MAPKAPK3: variants seen among roughly 807,000 people sequenced by gnomAD.
MAPKAPK3 encodes the protein MAPK activated protein kinase 3, also known as MAP kinase-activated protein kinase 3.
A neutral mutation model predicts 49.2 loss-of-function variants in MAPKAPK3; 35 were observed. The observed-to-expected ratio is 0.71, with a 90% CI of 0.54 to 0.94. The LOEUF is 0.94. Ranked by LOEUF, MAPKAPK3 falls within the 40% of genes least tolerant of loss-of-function variation. The pLI is 0.00. For synonymous variants in MAPKAPK3, 178 were observed against 188.7 expected, an observed-to-expected ratio of 0.94 and a Z score of 0.46; for missense variants, 398 against 493.1, an observed-to-expected ratio of 0.81 and a Z score of 1.83.
intron 6 of MAPKAPK3, among the ~76,000 whole-genome samples, chr3:50,645,081 G>T: frequency 6.6e-6 from 1 of 152,164 alleles, no homozygotes; most frequent in East Asian, 1.9e-4. Flanking sequence ...CCCCTAACCT[G>T]AGAGTGGGGT....
chr3:50,615,516 G>C (rs1272815272), upstream of MAPKAPK3, among the ~76,000 whole-genome samples: 1 of 141,326 alleles, frequency 7.1e-6, no homozygotes, highest in African/African-American at 2.5e-5. Flanking sequence ...TAAGAGCCCA[G>C]CCCTGAGGTT....
In MAPKAPK3 at chr3:50,645,872, A is replaced by G. The variant is rs1251168521; in HGVS notation, c.704+87A>G. On this transcript the variant is annotated intron_variant, in intron 7 of 10. Coordinates refer to ENST00000621469, the MANE Select transcript of MAPKAPK3 (RefSeq NM_001243925.2). ...GGACCACTTCTGTCCCCCCACCCCC[A>G]TGTCCTTGGTGAGGAGCTTGTGTGT... The G allele has an allele frequency of 6.0e-6, 6 of 997,850 alleles. No homozygotes were observed. In the East Asian group the frequency reaches 2.0e-4, roughly 33 times the overall value. 61.8% of individuals were successfully genotyped at this position (997,850 alleles called of 1,614,324 possible). A position where few individuals can be genotyped will look rare whatever the true frequency, so the allele number is the denominator to read the frequency against.
chr3:50,620,493 G>A (rs2032583845), intron 2 of MAPKAPK3, among the ~76,000 whole-genome samples: 1 of 152,144 alleles, frequency 6.6e-6, no homozygotes, highest in Non-Finnish European at 1.5e-5. Flanking sequence ...TCTTGGCTCT[G>A]TTGCCCAAGA....
intron 2 of MAPKAPK3, among the ~76,000 whole-genome samples, chr3:50,635,013 A>G (rs2033000399): frequency 1.3e-5 from 2 of 152,148 alleles, no homozygotes; most frequent in Non-Finnish European, 2.9e-5. Flanking sequence ...CCCACCCTAT[A>G]TAGCCCAAGC....
chr3:50,635,876 A>T (rs1359954986), intron 2 of MAPKAPK3, among the ~76,000 whole-genome samples: 3 of 132,514 alleles, frequency 2.3e-5, no homozygotes, highest in African/African-American at 8.7e-5. Context: ...TGAGCCTAGG[A>T]TTTCGAGACC....
chr3:50,640,244 C>A, intron 2 of MAPKAPK3, 122 bp from the exon 3 acceptor site: 1 of 953,624 alleles, frequency 1.0e-6, no homozygotes, highest in Non-Finnish European at 1.6e-6. Flanking sequence ...AATTCTCATT[C>A]TGCTCCTTAT....
chr3:50,627,903 G>C (rs987711495), intron 2 of MAPKAPK3, among the ~76,000 whole-genome samples: 1 of 152,156 alleles, frequency 6.6e-6, no homozygotes, highest in Admixed American at 6.5e-5. Context: ...TGAGGAGAGC[G>C]ATGGCTGCCT....
chr3:50,647,841 C>T (rs1380730306), intron 10 of MAPKAPK3, 53 bp from the exon 11 acceptor site: 1 of 1,546,728 alleles, frequency 6.5e-7, no homozygotes, highest in East Asian at 2.2e-5. Context: ...GTGATGGTTC[C>T]TAAGGTCAGT....
chr3:50,642,148 T>C, intron 4 of MAPKAPK3, 105 bp from the exon 5 acceptor site: 1 of 782,042 alleles, frequency 1.3e-6, no homozygotes, highest in Non-Finnish European at 2.3e-6. Context: ...TGTCACTGTC[T>C]TCTTGTCTTG....
chr3:50,647,778 C>T, intron 10 of MAPKAPK3, 116 bp from the exon 11 acceptor site: 3 of 983,694 alleles, frequency 3.0e-6, no homozygotes, highest in Non-Finnish European at 4.6e-6. Context: ...ACACAGTGGG[C>T]ACAGAGGCAG....
rs776286044 is a variant in MAPKAPK3 at position 50,647,197 on chromosome 3, A to G, written c.990A>G (p.Glu330=). Reference sequence around the variant, plus strand: ...AGGAGGACAAAGACCACTGGGACGAAGTCAAGGTGGGTGGGCTCTGCCTCA... The same window carrying G: ...AGGAGGACAAAGACCACTGGGACGAGGTCAAGGTGGGTGGGCTCTGCCTCA... ...VLQEDKDHWD[E]VKEEMTSALA... The change falls in exon 10 of 11, where the codon GAA becomes GAG. Residue 330 remains glutamate, a synonymous_variant. Transcript: ENST00000621469. 6.3e-7 allele frequency: 1 copy of G among 1,588,256 alleles called. No homozygotes were observed. Among genetic ancestry groups the G allele is most frequent in the Admixed American group, 1.8e-5 (1 of 56,298 alleles).
At chr3:50,646,916 G>A in intron 9 of MAPKAPK3, 91 bp downstream of exon 9, 1 of 1,332,964 alleles carries the variant, frequency 7.5e-7, no homozygotes, top group Non-Finnish European at 1.1e-6. Context: ...TGAGGCCCCA[G>A]TGCAGGGCTG....
rs547324441 is a variant in MAPKAPK3 at position 50,628,034 on chromosome 3, C to T, written c.219+10250C>T. ...GTTGGGGGTGGGGATGGAAGGTTCC[C>T]TAGGGCCTCTGTGCCATGCCTCTGG... On this transcript the variant is annotated intron_variant, in intron 2 of 10. Transcript: ENST00000621469. Among the ~76,000 whole-genome samples, 3 of 152,226 alleles carry T rather than the reference C, an allele frequency of 2.0e-5. No individual in the cohort carries two copies. The East Asian group carries it at 5.8e-4, about 29-fold the overall frequency.
chr3:50,632,869 G>A (rs2032946366), intron 2 of MAPKAPK3, among the ~76,000 whole-genome samples: 1 of 152,230 alleles, frequency 6.6e-6, no homozygotes, highest in South Asian at 2.1e-4. Context: ...TTTAACTTGA[G>A]AAGAGCCCAG....
chr3:50,634,247 T>C (rs1163135084), intron 2 of MAPKAPK3, among the ~76,000 whole-genome samples: 1 of 152,206 alleles, frequency 6.6e-6, no homozygotes, highest in African/African-American at 2.4e-5. Context: ...AGGAATCCCC[T>C]TCCTCAGGAA....
rs372960797 is a variant in MAPKAPK3, at chr3:50,646,225, G to A, written c.790G>A (p.Gly264Ser). Residue 264 changes from glycine (G) to serine (S), a missense_variant, in exon 8 of 11, where the codon GGC becomes AGC. This residue lies in a region of MAPKAPK3 where 152 missense variants were observed against 177.3 expected (regional missense o/e 0.86). Coordinates refer to ENST00000621469, the MANE Select transcript of MAPKAPK3 (RefSeq NM_001243925.2). The stretch of plus-strand genomic sequence containing the variant: ...GAGGAGGATTCGCCTGGGCCAGTAC[G>A]GCTTCCCCAATCCTGAGTGGTCAGA... ...MKRRIRLGQY[G>S]FPNPEWSEVS... 8.3e-5 allele frequency: 134 copies of A among 1,614,044 alleles called. No homozygotes were observed. The highest frequency in any genetic ancestry group is 4.1e-5 in the Non-Finnish European group (48 of 1,180,036).
At chr3:50,630,293 C>T (rs1559485556) in intron 2 of MAPKAPK3, among the ~76,000 whole-genome samples, 1 of 152,228 alleles carries the variant, frequency 6.6e-6, no homozygotes, top group Non-Finnish European at 1.5e-5. Context: ...GTGCCCATGG[C>T]AGCATTCCCA....
upstream of MAPKAPK3, among the ~76,000 whole-genome samples, chr3:50,616,873 C>T (rs2032476693): frequency 6.6e-6 from 1 of 151,950 alleles, no homozygotes; most frequent in Non-Finnish European, 1.5e-5. Context: ...TTCTAGGTTG[C>T]GAGTAAAACC....
intron 2 of MAPKAPK3, among the ~76,000 whole-genome samples, chr3:50,621,633 G>GGTGGCACACACCTGTA (rs2032613231): frequency 6.7e-6 from 1 of 150,284 alleles, no homozygotes; most frequent in African/African-American, 2.5e-5. Context: ...AGCCAGGTGT[G>GGTGGCACACACCTGTA]GTGGCACACA....
Sources: allele counts gnomAD v4.1 joint callset (sites outside exome capture counted in the v4.1 genomes callset), GRCh38; gene constraint gnomAD v4.1.1; regional missense constraint gnomAD v4.1.1; transcripts MANE v1.5; gene names NCBI Gene and HGNC (gene_info 2026-07-23, HGNC 2026-07-21).